Variants in RAB38 observed in about 807,000 individuals in gnomAD.
The protein encoded by RAB38 is RAB38, member RAS oncogene family, also known as ras-related protein Rab-38.
A neutral mutation model predicts 18.4 loss-of-function variants in RAB38; 15 were observed. That is an observed-to-expected ratio of 0.82 (90% CI 0.55 to 1.26). RAB38 has a LOEUF of 1.26. RAB38 is among the 50% of genes most tolerant of loss of function. RAB38 has a pLI of 0.00. For synonymous variants in RAB38, 101 were observed against 104.4 expected, an observed-to-expected ratio of 0.97 and a Z score of 0.20; for missense variants, 294 against 267.4, an observed-to-expected ratio of 1.10 and a Z score of -0.69.
At chr11:88,073,381 A>C in the RAB38 span, among the ~76,000 whole-genome samples, 1 of 151,872 alleles carries the variant, frequency 6.6e-6, no homozygotes, top group Non-Finnish European at 1.5e-5. Context: ...CCCCTTTGGA[A>C]CCCCCCTCTT....
chr11:87,900,870 A>G, the RAB38 span, among the ~76,000 whole-genome samples: 4 of 151,554 alleles, frequency 2.6e-5, no homozygotes, highest in African/African-American at 9.7e-5. Flanking sequence ...GGGTGGAAAA[A>G]AAGGCACCTA....
chr11:87,926,182 C>T, the RAB38 span, among the ~76,000 whole-genome samples: 1 of 151,972 alleles, frequency 6.6e-6, no homozygotes, highest in Non-Finnish European at 1.5e-5. Flanking sequence ...CTTTGACTGT[C>T]ATGATTGTCA....
chr11:88,042,126 C>T, the RAB38 span, among the ~76,000 whole-genome samples: 1 of 152,068 alleles, frequency 6.6e-6, no homozygotes, highest in Non-Finnish European at 1.5e-5. Context: ...GTAAACTCAA[C>T]TCCTTCCTCT....
the RAB38 span, among the ~76,000 whole-genome samples, chr11:87,976,382 T>C: frequency 1.4e-5 from 2 of 140,136 alleles, no homozygotes; most frequent in Non-Finnish European, 3.1e-5. Flanking sequence ...CAAATACAAA[T>C]ATTTATATAT....
At chr11:88,032,975 T>C in the RAB38 span, among the ~76,000 whole-genome samples, 2 of 151,978 alleles carry the variant, frequency 1.3e-5, no homozygotes, top group South Asian at 2.1e-4. Flanking sequence ...TTGGAACCAA[T>C]CCAAATGTCC....
chr11:88,014,287 C>T, the RAB38 span, among the ~76,000 whole-genome samples: 1 of 152,140 alleles, frequency 6.6e-6, no homozygotes, highest in South Asian at 2.1e-4. Context: ...CACACAGTTG[C>T]TAAGTGGAGC....
chr11:88,068,555 T>C, the RAB38 span, among the ~76,000 whole-genome samples: 1 of 152,192 alleles, frequency 6.6e-6, no homozygotes, highest in East Asian at 1.9e-4. Flanking sequence ...CAACTAATAT[T>C]TGATTAAAAC....
the RAB38 span, among the ~76,000 whole-genome samples, chr11:88,022,304 T>TA: frequency 5.2e-4 from 76 of 145,872 alleles, no homozygotes; most frequent in Admixed American, 1.6e-3. Flanking sequence ...ACTTTATGAT[T>TA]AAAAAAAAAC....
the RAB38 span, among the ~76,000 whole-genome samples, chr11:87,878,144 A>G: frequency 6.8e-6 from 1 of 146,554 alleles, no homozygotes; most frequent in Middle Eastern, 3.4e-3. Flanking sequence ...CTATGCTTTG[A>G]CCATTTACTG....
chr11:88,127,788 T>C (rs1942718357), intron 2 of RAB38, among the ~76,000 whole-genome samples: 1 of 152,224 alleles, frequency 6.6e-6, no homozygotes, highest in Non-Finnish European at 1.5e-5. Flanking sequence ...CCCAGCAAGG[T>C]AGGGTTGGCT....
the RAB38 span, among the ~76,000 whole-genome samples, chr11:88,104,246 A>T: frequency 1.3e-5 from 2 of 152,018 alleles, no homozygotes; most frequent in Non-Finnish European, 2.9e-5. Context: ...CTCTTTAACC[A>T]ATCCTTCTTA....
the RAB38 span, among the ~76,000 whole-genome samples, chr11:87,838,594 TG>T: frequency 3.9e-5 from 6 of 152,196 alleles, no homozygotes; most frequent in African/African-American, 1.4e-4. Flanking sequence ...TGGAGAAAGC[TG>T]GGTGGTCTTG....
downstream of RAB38, among the ~76,000 whole-genome samples, chr11:88,111,257 G>A (rs539209801): frequency 1.3e-5 from 2 of 152,150 alleles, no homozygotes; most frequent in East Asian, 3.9e-4. Flanking sequence ...CACCAGTGAT[G>A]GAGGCATCAA....
chr11:88,141,682 C>T (rs551488762), intron 2 of RAB38, among the ~76,000 whole-genome samples: 1 of 152,176 alleles, frequency 6.6e-6, no homozygotes, highest in African/African-American at 2.4e-5. Context: ...GTTTGACATA[C>T]CGCAAAGCTT....
the RAB38 span, among the ~76,000 whole-genome samples, chr11:88,052,437 T>C: frequency 6.6e-6 from 1 of 152,112 alleles, no homozygotes; most frequent in Admixed American, 6.5e-5. Flanking sequence ...CCTATGAAAT[T>C]TAATGTATGC....
chr11:87,892,176 A>C, the RAB38 span, among the ~76,000 whole-genome samples: 1 of 151,766 alleles, frequency 6.6e-6, no homozygotes, highest in African/African-American at 2.4e-5. Flanking sequence ...GACAGCCTGG[A>C]AATAAAAAGA....
At chr11:87,946,752 G>A in the RAB38 span, among the ~76,000 whole-genome samples, 1 of 151,298 alleles carries the variant, frequency 6.6e-6, no homozygotes, top group African/African-American at 2.4e-5. Flanking sequence ...AGTATTCCAT[G>A]GTGTATATGT....
At chr11:88,124,302 C>T (rs1942665621) in intron 2 of RAB38, among the ~76,000 whole-genome samples, 1 of 152,130 alleles carries the variant, frequency 6.6e-6, no homozygotes, top group Non-Finnish European at 1.5e-5. Flanking sequence ...AGAGCTTCTG[C>T]ACAGCAAAAG....
downstream of RAB38, among the ~76,000 whole-genome samples, chr11:88,112,986 T>C (rs1156856905): frequency 6.6e-6 from 1 of 152,112 alleles, no homozygotes; most frequent in Non-Finnish European, 1.5e-5. Context: ...TTAATCAGAA[T>C]CTATGAGGAC....
Sources: gnomAD v4.1 joint callset for allele counts (sites outside exome capture counted in the v4.1 genomes callset) on GRCh38, gnomAD v4.1.1 for gene constraint, MANE v1.5 for transcripts, NCBI Gene and HGNC (gene_info 2026-07-23, HGNC 2026-07-21) for gene names.